MITF: variants seen among roughly 807,000 people sequenced by gnomAD.
The protein encoded by MITF is melanocyte inducing transcription factor, also known as microphthalmia-associated transcription factor.
A neutral mutation model predicts 60.5 loss-of-function variants in MITF; 17 were observed. That is an observed-to-expected ratio of 0.28 (90% CI 0.19 to 0.42). MITF has a LOEUF of 0.42. MITF is among the 10% of genes least tolerant of loss of function. The probability of loss-of-function intolerance (pLI) is 1.00; values close to 1 mark genes in which losing one functional copy is unlikely to be tolerated. For synonymous variants in MITF, 260 were observed against 248.5 expected (o/e 1.05, Z -0.43); for missense variants, 622 against 683.5 (o/e 0.91, Z 1.00).
At chr3:69,869,931 C>G (rs1395503339) in intron 1 of MITF, among the ~76,000 whole-genome samples, 3 of 152,000 alleles carry the variant, frequency 2.0e-5, no homozygotes, top group African/African-American at 7.3e-5. Context: ...CCACAATCTC[C>G]TAAGATGTAA....
At chr3:69,963,192 T>C (rs1215684743) in intron 9 of MITF, among the ~76,000 whole-genome samples, 2 of 152,170 alleles carry the variant, frequency 1.3e-5, no homozygotes, top group African/African-American at 4.8e-5. Flanking sequence ...GGACACAATT[T>C]AGCCAATAAT....
Position 69,937,950 on chromosome 3 carries a change from A to G in MITF, c.483A>G (p.Pro161=). ...ACCAAGTCCTGAGCTTGCCATGTCC[A>G]AACCAGCCTGGCGATCATGTCATGC... is the stretch of plus-strand genomic sequence containing the variant. The part of the protein sequence containing the change: ...HANQVLSLPC[P]NQPGDHVMPP... The change falls in exon 3 of 10, where the codon CCA becomes CCG. Residue 161 remains proline (P), a synonymous_variant. Transcript: ENST00000352241. 6.2e-7 allele frequency: 1 copy of G among 1,614,156 alleles called. No individual in the cohort carries two copies. Among genetic ancestry groups the G allele is most frequent in the Non-Finnish European group, 8.5e-7 (1 of 1,180,000 alleles).
At chr3:69,948,515 C>G (rs779799846) in intron 5 of MITF, among the ~76,000 whole-genome samples, 1 of 149,302 alleles carries the variant, frequency 6.7e-6, no homozygotes, top group Non-Finnish European at 1.5e-5. Context: ...AACGCTTTTT[C>G]TCTCTAGCAA....
intron 1 of MITF, among the ~76,000 whole-genome samples, chr3:69,746,147 C>T (rs1033849855): frequency 2.6e-5 from 4 of 152,132 alleles, no homozygotes; most frequent in African/African-American, 2.4e-5. Context: ...GTCTTGGTTT[C>T]GTTTGTTATT....
At chr3:69,777,938 C>T (rs749639581) in intron 1 of MITF, among the ~76,000 whole-genome samples, 8 of 151,920 alleles carry the variant, frequency 5.3e-5, no homozygotes, top group Non-Finnish European at 7.4e-5. Context: ...GCATTCTATT[C>T]GTGTTACTGA....
Position 69,798,283 on chromosome 3 carries a change from A to G in MITF, c.104+58582A>G, listed in dbSNP as rs529489854. 7.2e-5 allele frequency among the ~76,000 whole-genome samples: 11 copies of G among 152,334 alleles called. No individual in the cohort carries two copies. The East Asian group carries it at 1.2e-3, about 16-fold the overall frequency. Reference sequence around the variant, plus strand: ...AAACCATGTTGTATTAGTGGAAGCCAGGCAGATCGACTTTATTGAATTCCT... The same window carrying G: ...AAACCATGTTGTATTAGTGGAAGCCGGGCAGATCGACTTTATTGAATTCCT... On this transcript the variant is annotated intron_variant, in intron 1 of 9. Transcript: ENST00000352241.
chr3:69,863,482 C>G (rs981036692), intron 1 of MITF, among the ~76,000 whole-genome samples: 5 of 152,158 alleles, frequency 3.3e-5, no homozygotes, highest in African/African-American at 1.2e-4. Flanking sequence ...ATGTTACTGG[C>G]TGAACCTGCC....
intron 1 of MITF, among the ~76,000 whole-genome samples, chr3:69,753,606 CAG>C (rs1466827898): frequency 6.6e-6 from 1 of 152,222 alleles, no homozygotes; most frequent in African/African-American, 2.4e-5. Context: ...TGCAAAGCCA[CAG>C]GGGTGGAACT....
chr3:69,784,994 G>C (rs1275908702), intron 1 of MITF, among the ~76,000 whole-genome samples: 1 of 150,334 alleles, frequency 6.7e-6, no homozygotes, highest in East Asian at 2.0e-4. Flanking sequence ...CTTGCCTTTT[G>C]TTTATTTTCC....
At chr3:69,765,439 A>G (rs2062275256) in intron 1 of MITF, among the ~76,000 whole-genome samples, 2 of 152,252 alleles carry the variant, frequency 1.3e-5, no homozygotes, top group African/African-American at 4.8e-5. Flanking sequence ...AGTGAAAATT[A>G]TAGATATTTC....
chr3:69,910,955 G>A (rs538387732), intron 2 of MITF, among the ~76,000 whole-genome samples: 1 of 152,148 alleles, frequency 6.6e-6, no homozygotes, highest in African/African-American at 2.4e-5. Context: ...GATTTGGAGG[G>A]GCCAGGGGTG....
intron 2 of MITF, among the ~76,000 whole-genome samples, chr3:69,923,836 A>T (rs2065523946): frequency 6.6e-6 from 1 of 152,100 alleles, no homozygotes; most frequent in South Asian, 2.1e-4. Flanking sequence ...CCCTTTACAG[A>T]TTTTTATAGA....
intron 1 of MITF, among the ~76,000 whole-genome samples, chr3:69,761,738 A>T (rs2062215368): frequency 6.6e-6 from 1 of 152,232 alleles, no homozygotes; most frequent in South Asian, 2.1e-4. Flanking sequence ...TAGGCTGTGA[A>T]TCCTCCAAGA....
intron 2 of MITF, among the ~76,000 whole-genome samples, chr3:69,887,258 T>C (rs1474250974): frequency 2.0e-5 from 3 of 152,134 alleles, no homozygotes; most frequent in Non-Finnish European, 4.4e-5. Context: ...AAAGACCACT[T>C]AATTTGAAAG....
intron 1 of MITF, among the ~76,000 whole-genome samples, chr3:69,790,190 C>G (rs1023063686): frequency 3.3e-5 from 5 of 152,082 alleles, no homozygotes; most frequent in Admixed American, 2.6e-4. Flanking sequence ...AAGGTAAATA[C>G]TGTATGAATC....
chr3:69,755,976 G>A (rs1376326711), intron 1 of MITF, among the ~76,000 whole-genome samples: 2 of 152,126 alleles, frequency 1.3e-5, no homozygotes, highest in East Asian at 3.9e-4. Flanking sequence ...GGAAGAAATG[G>A]TTAATCACAG....
chr3:69,755,433 GTTTTTTTTTTTTTTTTTTTT>G (rs542141862), intron 1 of MITF, among the ~76,000 whole-genome samples: 16 of 35,426 alleles, frequency 4.5e-4, no homozygotes, highest in Middle Eastern at 0.029. Context: ...ACCCTTCTGG[GTTTTTTTTTTTTTTTTTTTT>G]TTTTTTTTTT....
intron 2 of MITF, among the ~76,000 whole-genome samples, chr3:69,894,329 T>C (rs1461853159): frequency 6.6e-6 from 1 of 152,224 alleles, no homozygotes; most frequent in Non-Finnish European, 1.5e-5. Flanking sequence ...AGTGTTTTGA[T>C]TCATTTGCTT....
intron 1 of MITF, among the ~76,000 whole-genome samples, chr3:69,786,569 C>G (rs2062652900): frequency 6.6e-6 from 1 of 152,054 alleles, no homozygotes; most frequent in South Asian, 2.1e-4. Context: ...GTTTACTGCT[C>G]TCAGGAGACA....
Sources: allele counts gnomAD v4.1 joint callset (sites outside exome capture counted in the v4.1 genomes callset), GRCh38; gene constraint gnomAD v4.1.1; transcripts MANE v1.5; gene names NCBI Gene and HGNC (gene_info 2026-07-23, HGNC 2026-07-21).